SHOC2: variants seen among roughly 807,000 people sequenced by gnomAD.
SHOC2 encodes the protein leucine-rich repeat protein SHOC-2.
Under a neutral mutation model 50.2 loss-of-function variants are expected in SHOC2, and 4 were observed. The ratio of observed to expected loss-of-function variants is 0.08; its 90% confidence interval spans 0.04 to 0.18. The LOEUF is 0.18. Ranked by LOEUF, SHOC2 falls within the 10% of genes least tolerant of loss-of-function variation. SHOC2 has a pLI of 1.00. For missense variants in SHOC2, 388 were observed against 669.6 expected (o/e 0.58, Z 4.64); for synonymous variants, 218 against 244.5 (o/e 0.89, Z 1.01).
chr10:110,996,581 A>G (rs1003271858), intron 3 of SHOC2, among the ~76,000 whole-genome samples: 1 of 152,002 alleles, frequency 6.6e-6, no homozygotes, highest in East Asian at 1.9e-4. Flanking sequence ...CAAACATGAG[A>G]AATATATTTT....
intron 2 of SHOC2, among the ~76,000 whole-genome samples, chr10:110,982,465 C>T (rs1461769665): frequency 6.6e-6 from 1 of 152,096 alleles, no homozygotes; most frequent in South Asian, 2.1e-4. Context: ...AGTTTACAGT[C>T]CCACCAACAG....
intron 1 of SHOC2, among the ~76,000 whole-genome samples, chr10:110,921,317 A>G (rs538701749): frequency 1.3e-5 from 2 of 152,366 alleles, no homozygotes; most frequent in South Asian, 4.1e-4. Flanking sequence ...ATTTGGACAT[A>G]AAGTATATTG....
At position 110,965,068 on chromosome 10, in the gene SHOC2, G is replaced by C; in HGVS notation, c.703+7G>C. On this transcript the variant is annotated splice_region_variant and intron_variant, in intron 2 of 8. Transcript: ENST00000369452. ...CAACTACCTGCTGAAATTGGTAAGA[G>C]GCCTTGGATTATTATTATTTGTAGT... The C allele has an allele frequency of 1.9e-6, 3 of 1,609,194 alleles. No homozygotes were observed. Among genetic ancestry groups the C allele is most frequent in the Non-Finnish European group, 2.6e-6 (3 of 1,175,864 alleles).
rs565142592 is a variant in SHOC2, at chr10:111,009,160, G to A, written c.1285-88G>A. On this transcript the variant is annotated intron_variant, in intron 6 of 8. Coordinates refer to ENST00000369452, the MANE Select transcript of SHOC2 (RefSeq NM_007373.4). ...TTAATATTCACTGTTTGGAAAATTAGCATTGCTTAATAGATTTTAAGCCAC... is the reference window on the plus strand; with the variant it reads ...TTAATATTCACTGTTTGGAAAATTAACATTGCTTAATAGATTTTAAGCCAC... The A allele has an allele frequency of 2.7e-5, 23 of 865,682 alleles. 1 individual carries two copies. Among genetic ancestry groups the A allele is most frequent in the African/African-American group, 1.7e-4 (10 of 59,388 alleles). 53.6% of individuals were successfully genotyped at this position (865,682 alleles called of 1,614,324 possible).
chr10:110,951,641 C>G (rs1267274499), intron 1 of SHOC2: 1 of 152,146 alleles, frequency 6.6e-6, no homozygotes, highest in Non-Finnish European at 1.5e-5. Context: ...TGAAATCAAC[C>G]TATGTCTTCA....
At chr10:111,000,626 G>A in intron 4 of SHOC2, 81 bp downstream of exon 4, 1 of 1,264,418 alleles carries the variant, frequency 7.9e-7, no homozygotes, top group Non-Finnish European at 1.1e-6. Context: ...CTTTATAGCA[G>A]GGTAAATAAT....
At chr10:110,924,642 C>T (rs911178429) in intron 1 of SHOC2, among the ~76,000 whole-genome samples, 1 of 152,134 alleles carries the variant, frequency 6.6e-6, no homozygotes, top group Non-Finnish European at 1.5e-5. Flanking sequence ...TTATTTAAAA[C>T]TTCACCTTCA....
At chr10:110,973,362 T>C (rs1467046986) in intron 2 of SHOC2, among the ~76,000 whole-genome samples, 2 of 152,208 alleles carry the variant, frequency 1.3e-5, no homozygotes, top group Non-Finnish European at 2.9e-5. Context: ...ATTACTCATT[T>C]ACCAATCTTT....
chr10:111,011,879 ATATCTG>A lies in SHOC2; in HGVS notation c.*67_*72del, dbSNP rs1222504732. 1 of 1,288,722 alleles carries A rather than the reference ATATCTG, an allele frequency of 7.8e-7. No homozygotes were observed. Among genetic ancestry groups the A allele is most frequent in the African/African-American group, 1.5e-5 (1 of 68,460 alleles). 79.8% of individuals were successfully genotyped at this position (1,288,722 alleles called of 1,614,324 possible). ...AGACTGCCATTAATGTTTCTTATCTATATCTGTATCTATTTATGTAGATATTGGTAT... is the reference window on the plus strand; with the variant it reads ...AGACTGCCATTAATGTTTCTTATCTATATCTATTTATGTAGATATTGGTAT... On this transcript the variant is annotated 3_prime_UTR_variant, in exon 9 of 9. Coordinates refer to ENST00000369452, the MANE Select transcript of SHOC2 (RefSeq NM_007373.4).
At chr10:110,942,682 G>T (rs571176967) in intron 1 of SHOC2, among the ~76,000 whole-genome samples, 1 of 152,296 alleles carries the variant, frequency 6.6e-6, no homozygotes, top group Non-Finnish European at 1.5e-5. Flanking sequence ...ACTCTTTCAT[G>T]TATATTTGAA....
At chr10:110,955,227 T>C (rs1847436567) in intron 1 of SHOC2, among the ~76,000 whole-genome samples, 1 of 152,128 alleles carries the variant, frequency 6.6e-6, no homozygotes, top group Admixed American at 6.5e-5. Flanking sequence ...AGAGAGACGA[T>C]GAGAGCTTGG....
intron 2 of SHOC2, among the ~76,000 whole-genome samples, chr10:110,970,718 G>A (rs1847764640): frequency 1.7e-5 from 2 of 117,456 alleles, no homozygotes. Flanking sequence ...TGTTGTTGTT[G>A]TTGTGATGAT....
chr10:110,930,093 T>C lies in SHOC2; in HGVS notation c.-235+10436T>C, dbSNP rs1418499374. ...TAGCTTTGTGATATTTTTTAAAATG[T>C]AATACAGAGATAATGAGATTATATT... On this transcript the variant is annotated intron_variant, in intron 1 of 8. Coordinates refer to ENST00000369452, the MANE Select transcript of SHOC2 (RefSeq NM_007373.4). Among the ~76,000 whole-genome samples, 6 of 152,342 alleles carry C rather than the reference T, an allele frequency of 3.9e-5. No homozygotes were observed. The East Asian group carries it at 1.2e-3, about 29-fold the overall frequency.
intron 3 of SHOC2, among the ~76,000 whole-genome samples, chr10:110,993,083 T>C (rs771962217): frequency 6.6e-5 from 10 of 152,230 alleles, no homozygotes; most frequent in African/African-American, 9.6e-5. Context: ...GAAAGCAAGC[T>C]GTCAAAGTGG....
intron 3 of SHOC2, among the ~76,000 whole-genome samples, chr10:110,988,465 A>G (rs144322207): frequency 8.5e-5 from 13 of 152,230 alleles, no homozygotes; most frequent in East Asian, 7.7e-4. Context: ...TTTTATTTCA[A>G]TTATCACATT....
rs528193943 is a variant in SHOC2, at chr10:110,938,722, C to T, written c.-235+19065C>T. On this transcript the variant is annotated intron_variant, in intron 1 of 8. Transcript: ENST00000369452. The stretch of plus-strand genomic sequence containing the variant: ...GATTGGAAGCACTTCTTATTCCAAA[C>T]CTATTTGATAGTGGAACTAAATGTT... Among the ~76,000 whole-genome samples the T allele has an allele frequency of 3.9e-5, 6 of 152,084 alleles. No homozygotes were observed. The East Asian group carries it at 1.2e-3, about 29-fold the overall frequency.
Position 111,004,729 on chromosome 10 carries a change from C to A in SHOC2, c.1096C>A (p.Arg366=), listed in dbSNP as rs1848438285. 6.2e-7 allele frequency: 1 copy of A among 1,613,298 alleles called. No homozygotes were observed. Residue 366 remains arginine, a synonymous_variant, in exon 5 of 9, where the codon CGA becomes AGA. Coordinates refer to ENST00000369452, the MANE Select transcript of SHOC2 (RefSeq NM_007373.4). Reference sequence around the variant, plus strand: ...CTATTCCCTCAACATGGAACACAATCGAATCAACAAAATTCCATTTGGAAT... The same window carrying A: ...CTATTCCCTCAACATGGAACACAATAGAATCAACAAAATTCCATTTGGAAT... ...TIYSLNMEHN[R]INKIPFGIFS... is the part of the protein sequence containing the mutation.
intron 1 of SHOC2, among the ~76,000 whole-genome samples, chr10:110,954,700 A>G (rs1012305135): frequency 6.6e-6 from 1 of 152,216 alleles, no homozygotes; most frequent in Non-Finnish European, 1.5e-5. Flanking sequence ...TCATATACTA[A>G]TAAATGTTAT....
At chr10:111,009,459 T>G in intron 7 of SHOC2, 74 bp downstream of exon 7, 1 of 1,304,442 alleles carries the variant, frequency 7.7e-7, no homozygotes, top group Non-Finnish European at 1.1e-6. Context: ...TCTCTTAAGA[T>G]TTTGATGTAA....
Sources: gnomAD v4.1 joint callset for allele counts (sites outside exome capture counted in the v4.1 genomes callset) on GRCh38, gnomAD v4.1.1 for gene constraint, MANE v1.5 for transcripts, NCBI Gene and HGNC (gene_info 2026-07-23, HGNC 2026-07-21) for gene names.